The following CTNND2 variants were observed in gnomAD, a reference collection of about 807,000 sequenced individuals.
CTNND2 encodes the protein catenin delta 2.
In CTNND2, 22 loss-of-function variants were observed where a neutral mutation model predicts 144.4. The observed-to-expected ratio is 0.15, with a 90% CI of 0.11 to 0.22. The LOEUF (loss-of-function observed/expected upper bound fraction) is 0.22. Among genes scored for constraint, CTNND2 ranks in the 10% least tolerant of loss-of-function variants. The pLI is 1.00. For missense variants in CTNND2, 1,353 were observed against 1,618.8 expected (o/e 0.84, Z 2.82); for synonymous variants, 751 against 695.6 (o/e 1.08, Z -1.25).
chr5:11,347,611 T>C (rs929721098), intron 8 of CTNND2, among the ~76,000 whole-genome samples: 8 of 152,222 alleles, frequency 5.3e-5, no homozygotes, highest in African/African-American at 7.2e-5. Flanking sequence ...TTTAGACTGC[T>C]AGTCATGATC....
intron 10 of CTNND2, among the ~76,000 whole-genome samples, chr5:11,226,205 G>A (rs1477258751): frequency 6.6e-6 from 1 of 152,184 alleles, no homozygotes; most frequent in Non-Finnish European, 1.5e-5. Context: ...GCACAAATGA[G>A]CACATGCCTT....
chr5:11,030,908 T>G (rs950298900), intron 16 of CTNND2, among the ~76,000 whole-genome samples: 1 of 152,122 alleles, frequency 6.6e-6, no homozygotes, highest in African/African-American at 2.4e-5. Flanking sequence ...TTCTTCCTCT[T>G]TTCCAGGGTT....
At chr5:11,678,250 T>G (rs915090383) in intron 2 of CTNND2, among the ~76,000 whole-genome samples, 2 of 152,196 alleles carry the variant, frequency 1.3e-5, no homozygotes, top group Admixed American at 1.3e-4. Flanking sequence ...CCTACTCTGA[T>G]AGAAATGTGT....
chr5:11,337,204 T>C (rs1753821145), intron 9 of CTNND2, among the ~76,000 whole-genome samples: 1 of 152,236 alleles, frequency 6.6e-6, no homozygotes, highest in Non-Finnish European at 1.5e-5. Flanking sequence ...AAATACAATC[T>C]GTGCATCCAA....
In CTNND2 at chr5:11,483,429, G is replaced by A. The variant is rs189436191; in HGVS notation, c.288-71360C>T. ...CTGTATAGGGCTGTGCAGTTCAAAGGAGAATTGTGGGCTACACATCTGGCC... is the reference window on the plus strand; with the variant it reads ...CTGTATAGGGCTGTGCAGTTCAAAGAAGAATTGTGGGCTACACATCTGGCC... On this transcript the variant is annotated intron_variant, in intron 3 of 21. Transcript: ENST00000304623. 7.6e-4 allele frequency among the ~76,000 whole-genome samples: 115 copies of A among 152,310 alleles called. 1 individual carries two copies. Among genetic ancestry groups the A allele is most frequent in the Non-Finnish European group, 6.2e-4 (42 of 68,020 alleles).
chr5:11,250,517 ATAT>A (rs1743505720), intron 9 of CTNND2, among the ~76,000 whole-genome samples: 1 of 34,724 alleles, frequency 2.9e-5, no homozygotes, highest in Non-Finnish European at 4.3e-5. Context: ...ATATATACAT[ATAT>A]TTTTTTTTTT....
chr5:11,447,200 G>T (rs1764896068), intron 3 of CTNND2, among the ~76,000 whole-genome samples: 1 of 152,094 alleles, frequency 6.6e-6, no homozygotes, highest in African/African-American at 2.4e-5. Context: ...AAATTAGCCA[G>T]ATGGGGCAGT....
chr5:11,662,044 CA>C (rs1180510536), intron 2 of CTNND2, among the ~76,000 whole-genome samples: 2 of 149,760 alleles, frequency 1.3e-5, no homozygotes, highest in African/African-American at 4.9e-5. Flanking sequence ...CACACACACA[CA>C]TATATATACA....
At chr5:11,829,783 T>C (rs750420220) in intron 1 of CTNND2, among the ~76,000 whole-genome samples, 2 of 152,030 alleles carry the variant, frequency 1.3e-5, no homozygotes, top group Non-Finnish European at 2.9e-5. Context: ...AGGGCCACCA[T>C]CCTCTAGACC....
At chr5:11,731,088 G>A (rs1787363344) in intron 2 of CTNND2, among the ~76,000 whole-genome samples, 1 of 152,158 alleles carries the variant, frequency 6.6e-6, no homozygotes, top group South Asian at 2.1e-4. Flanking sequence ...CCTGCTTACT[G>A]ACTATTTTCA....
chr5:11,611,732 C>T (rs1209282518), intron 2 of CTNND2, among the ~76,000 whole-genome samples: 1 of 152,160 alleles, frequency 6.6e-6, no homozygotes, highest in Non-Finnish European at 1.5e-5. Context: ...GAGCCGAGAT[C>T]GCGCCAATGC....
intron 2 of CTNND2, among the ~76,000 whole-genome samples, chr5:11,610,722 C>T (rs1780276587): frequency 6.6e-6 from 1 of 152,156 alleles, no homozygotes; most frequent in Admixed American, 6.5e-5. Context: ...TATCTCTAAG[C>T]AGTGTGATCA....
At chr5:11,446,599 T>A (rs913622842) in intron 3 of CTNND2, among the ~76,000 whole-genome samples, 2 of 152,134 alleles carry the variant, frequency 1.3e-5, no homozygotes, top group Non-Finnish European at 2.9e-5. Context: ...AAACTAAAGG[T>A]TGCAAAAGAT....
chr5:11,519,159 C>A (rs536969228), intron 3 of CTNND2, among the ~76,000 whole-genome samples: 21 of 152,298 alleles, frequency 1.4e-4, no homozygotes, highest in African/African-American at 5.1e-4. Context: ...ACATGCCTAG[C>A]AAACAAAGAA....
chr5:11,210,504 T>C (rs115906632), intron 10 of CTNND2, among the ~76,000 whole-genome samples: 2,007 of 152,356 alleles, frequency 0.013, 16 homozygotes, highest in Non-Finnish European at 0.021. Flanking sequence ...AATAGTCATC[T>C]CCCTTGAGCA....
chr5:11,852,640 G>GA (rs143014401), intron 1 of CTNND2, among the ~76,000 whole-genome samples: 265 of 152,240 alleles, frequency 1.7e-3, no homozygotes, highest in African/African-American at 6.1e-3. Context: ...TACTTACATT[G>GA]AAAACCTCTA....
chr5:11,879,339 G>GTATATATATATATATATATATATACATA (rs368634452), intron 1 of CTNND2, among the ~76,000 whole-genome samples: 1 of 100,964 alleles, frequency 9.9e-6, no homozygotes, highest in Non-Finnish European at 2.2e-5. Flanking sequence ...AATTAAATGT[G>GTATATATATATATATATATATATACATA]TGTATATATA....
chr5:11,662,032 C>T (rs144039137), intron 2 of CTNND2, among the ~76,000 whole-genome samples: 3,990 of 148,044 alleles, frequency 0.027, 53 homozygotes, highest in East Asian at 0.057. Context: ...CACATATATA[C>T]ACACACACAC....
intron 11 of CTNND2, among the ~76,000 whole-genome samples, chr5:11,189,983 T>C (rs1048333931): frequency 6.6e-5 from 10 of 152,168 alleles, no homozygotes; most frequent in Non-Finnish European, 5.9e-5. Context: ...GTGCATATGA[T>C]TTGGGCTTGC....
Sources: allele counts gnomAD v4.1 joint callset (sites outside exome capture counted in the v4.1 genomes callset), GRCh38; gene constraint gnomAD v4.1.1; transcripts MANE v1.5; gene names NCBI Gene and HGNC (gene_info 2026-07-23, HGNC 2026-07-21).